The following GPR158 variants were observed in gnomAD, a reference collection of about 807,000 sequenced individuals.
GPR158 encodes G protein-coupled receptor 158.
Under a neutral mutation model 78.2 loss-of-function variants are expected in GPR158, and 30 were observed. The observed-to-expected ratio is 0.38, with a 90% CI of 0.29 to 0.52. GPR158 has a LOEUF of 0.52. Ranked by LOEUF, GPR158 falls within the 20% of genes least tolerant of loss-of-function variation. The pLI is 0.83. For synonymous variants in GPR158, 581 were observed against 591.1 expected, an observed-to-expected ratio of 0.98 and a Z score of 0.25; for missense variants, 1,463 against 1,523.5, an observed-to-expected ratio of 0.96 and a Z score of 0.66.
chr10:25,207,309 T>C (rs761750277), intron 1 of GPR158, among the ~76,000 whole-genome samples: 1 of 152,188 alleles, frequency 6.6e-6, no homozygotes, highest in Non-Finnish European at 1.5e-5. Context: ...TTGGTGCTTC[T>C]GGACAGATTT....
intron 5 of GPR158, among the ~76,000 whole-genome samples, chr10:25,533,038 C>A (rs968662589): frequency 1.3e-5 from 2 of 152,194 alleles, no homozygotes; most frequent in African/African-American, 2.4e-5. Flanking sequence ...CCATAGTGAA[C>A]CTGTCCCCTA....
intron 1 of GPR158, among the ~76,000 whole-genome samples, chr10:25,200,867 T>TG (rs1491226273): frequency 1.8e-4 from 24 of 130,952 alleles, no homozygotes; most frequent in Admixed American, 1.6e-4. Flanking sequence ...TTTTTTGTTT[T>TG]GTTTTTTTTT....
At chr10:25,252,702 C>G (rs1322156075) in intron 2 of GPR158, among the ~76,000 whole-genome samples, 17 of 152,294 alleles carry the variant, frequency 1.1e-4, no homozygotes, top group African/African-American at 3.4e-4. Flanking sequence ...CTGGGAGAAC[C>G]ACTGCTCCCT....
chr10:25,552,684 G>A (rs1382040892), intron 6 of GPR158, among the ~76,000 whole-genome samples: 1 of 152,186 alleles, frequency 6.6e-6, no homozygotes, highest in Non-Finnish European at 1.5e-5. Flanking sequence ...AATGAAAAAT[G>A]TCAGATGAAG....
chr10:25,338,526 TTACGTA>T (rs1855255380), intron 2 of GPR158, among the ~76,000 whole-genome samples: 18 of 102,758 alleles, frequency 1.8e-4, no homozygotes, highest in Admixed American at 9.4e-4. Flanking sequence ...TATACGTATA[TTACGTA>T]TATTATATAT....
At chr10:25,252,095 G>C (rs1853811211) in intron 2 of GPR158, among the ~76,000 whole-genome samples, 1 of 152,058 alleles carries the variant, frequency 6.6e-6, no homozygotes, top group African/African-American at 2.4e-5. Context: ...CTTTCTTCCA[G>C]TTGATCGCAT....
chr10:25,516,356 C>CAA (rs1554810139), intron 5 of GPR158, among the ~76,000 whole-genome samples: 4 of 151,510 alleles, frequency 2.6e-5, no homozygotes, highest in Non-Finnish European at 5.9e-5. Flanking sequence ...TTTGGCTGTG[C>CAA]AGAAGCTCTT....
chr10:25,594,853 C>A (rs996485476), intron 9 of GPR158, among the ~76,000 whole-genome samples: 1 of 152,014 alleles, frequency 6.6e-6, no homozygotes, highest in African/African-American at 2.4e-5. Context: ...AAGACTTGTC[C>A]AGGCAGCACC....
Position 25,582,233 on chromosome 10 carries a change from C to T in GPR158, c.1754-6774C>T, listed in dbSNP as rs369966098. Among the ~76,000 whole-genome samples the T allele has an allele frequency of 2.6e-5, 4 of 152,138 alleles. No homozygotes were observed. In the East Asian group the frequency reaches 7.7e-4, roughly 29 times the overall value. ...GACGAAATGGAAGACATAGCCTGCTCCTCTGACCTGGACCCTGTGCTCTGA... is the reference window on the plus strand; with the variant it reads ...GACGAAATGGAAGACATAGCCTGCTTCTCTGACCTGGACCCTGTGCTCTGA... On this transcript the variant is annotated intron_variant, in intron 7 of 10. Transcript: ENST00000376351.
chr10:25,508,065 C>T (rs938689081), intron 5 of GPR158, among the ~76,000 whole-genome samples: 1 of 152,126 alleles, frequency 6.6e-6, no homozygotes, highest in Non-Finnish European at 1.5e-5. Context: ...AGTCAAGGGA[C>T]GGTAGTTGGT....
chr10:25,345,047 C>T (rs1855355038), intron 2 of GPR158, among the ~76,000 whole-genome samples: 1 of 151,972 alleles, frequency 6.6e-6, no homozygotes, highest in Admixed American at 6.6e-5. Context: ...ATACTATCAC[C>T]TTGGGGGCCA....
At chr10:25,432,256 A>G (rs1834920382) in intron 4 of GPR158, among the ~76,000 whole-genome samples, 1 of 148,408 alleles carries the variant, frequency 6.7e-6, no homozygotes, top group Admixed American at 6.8e-5. Context: ...TAATAAATGC[A>G]AATTAAAGCA....
intron 8 of GPR158, among the ~76,000 whole-genome samples, chr10:25,589,569 A>G (rs117425736): frequency 6.6e-6 from 1 of 152,234 alleles, no homozygotes; most frequent in Non-Finnish European, 1.5e-5. Context: ...CATATAGACA[A>G]CTTGTATGTA....
At chr10:25,208,561 T>C (rs1853080517) in intron 1 of GPR158, among the ~76,000 whole-genome samples, 1 of 10,492 alleles carries the variant, frequency 9.5e-5, no homozygotes, top group Non-Finnish European at 3.5e-4. Context: ...TGTGAATTTG[T>C]GTGTGTGTGT....
chr10:25,395,931 A>T lies in GPR158; in HGVS notation c.1029A>T (p.Leu343=). The change falls in exon 3 of 11, where the codon CTA becomes CTT. Residue 343 remains leucine (L), a synonymous_variant. Transcript: ENST00000376351. ...NNSECMPIKG[L]GFVLGAYECI... ...CATAGTGTATGCCAATTAAAGGCCT[A>T]GGATTCGTTCTTGGAGCCTATGAGT... The T allele has an allele frequency of 6.3e-7, 1 of 1,596,012 alleles. No individual in the cohort carries two copies. Among genetic ancestry groups the T allele is most frequent in the Non-Finnish European group, 8.6e-7 (1 of 1,163,606 alleles).
At position 25,395,040 on chromosome 10, in the gene GPR158, T is replaced by C. The variant is rs1813220826; in HGVS notation, c.1009-871T>C. On this transcript the variant is annotated intron_variant, in intron 2 of 10. Transcript: ENST00000376351. ...AGAAATTTCAGTGTTGGTTAGATTA[T>C]TTAAATGCTCCAGTTTTACTGATGT... Among the ~76,000 whole-genome samples the C allele has an allele frequency of 3.3e-5, 5 of 152,284 alleles. No individual in the cohort carries two copies. In the South Asian group the frequency reaches 8.3e-4, roughly 25 times the overall value.
intron 5 of GPR158, among the ~76,000 whole-genome samples, chr10:25,548,085 A>C (rs982591979): frequency 6.6e-6 from 1 of 152,180 alleles, no homozygotes; most frequent in Non-Finnish European, 1.5e-5. Context: ...GGAAGCCCTA[A>C]TCAGTTTTCA....
At chr10:25,455,117 G>GGAACTTAAATAATCCTGGT (rs1338536654) in intron 4 of GPR158, among the ~76,000 whole-genome samples, 1 of 152,112 alleles carries the variant, frequency 6.6e-6, no homozygotes, top group East Asian at 1.9e-4. Flanking sequence ...ACCAGGATGG[G>GGAACTTAAATAATCCTGGT]GAACTTAAAT....
At chr10:25,567,904 G>A (rs1369899451) in intron 6 of GPR158, among the ~76,000 whole-genome samples, 4 of 152,114 alleles carry the variant, frequency 2.6e-5, no homozygotes, top group Non-Finnish European at 5.9e-5. Flanking sequence ...TGAGTTGGTG[G>A]CCAGGAGCTG....
Sources: allele counts gnomAD v4.1 joint callset (sites outside exome capture counted in the v4.1 genomes callset), GRCh38; gene constraint gnomAD v4.1.1; transcripts MANE v1.5; gene names NCBI Gene and HGNC (gene_info 2026-07-23, HGNC 2026-07-21).